Variants in LSAMP observed in about 807,000 individuals in gnomAD.
LSAMP encodes the protein limbic system associated membrane protein.
Under a neutral mutation model 38.6 loss-of-function variants are expected in LSAMP, and 7 were observed. The ratio of observed to expected loss-of-function variants is 0.18; its 90% CI spans 0.10 to 0.34. LSAMP has a LOEUF of 0.34. LSAMP is among the 10% of genes least tolerant of loss of function. LSAMP has a pLI of 1.00. For synonymous variants in LSAMP, 154 were observed against 166.8 expected (o/e 0.92, Z 0.59); for missense variants, 313 against 420.0 (o/e 0.75, Z 2.23).
intron 1 of LSAMP, among the ~76,000 whole-genome samples, chr3:116,201,270 C>T (rs2045983292): frequency 6.6e-6 from 1 of 152,166 alleles, no homozygotes; most frequent in Admixed American, 6.5e-5. Context: ...TGGTAAAGCT[C>T]AGGCAGCATC....
At chr3:115,935,286 G>T (rs377142218) in intron 3 of LSAMP, among the ~76,000 whole-genome samples, 75 of 152,310 alleles carry the variant, frequency 4.9e-4, no homozygotes, top group African/African-American at 1.6e-3. Context: ...TCCTGAGGAT[G>T]ATGAATGAAC....
At chr3:116,274,954 CAAA>C (rs10662824) in intron 1 of LSAMP, among the ~76,000 whole-genome samples, 16 of 136,316 alleles carry the variant, frequency 1.2e-4, no homozygotes, top group South Asian at 2.3e-4. Flanking sequence ...TAAAAATAGC[CAAA>C]AAAAAAAAAA....
At chr3:116,202,408 A>T (rs889072718) in intron 1 of LSAMP, among the ~76,000 whole-genome samples, 2 of 152,062 alleles carry the variant, frequency 1.3e-5, no homozygotes, top group Non-Finnish European at 1.5e-5. Context: ...TGCTGGGATT[A>T]CAAGTGTGAG....
intron 3 of LSAMP, among the ~76,000 whole-genome samples, chr3:115,917,929 T>G (rs1268765121): frequency 6.6e-6 from 1 of 152,244 alleles, no homozygotes; most frequent in Admixed American, 6.5e-5. Context: ...TTACATACTA[T>G]TATTTTCTGA....
At chr3:115,869,084 A>G (rs185277889) in intron 3 of LSAMP, among the ~76,000 whole-genome samples, 1 of 152,270 alleles carries the variant, frequency 6.6e-6, no homozygotes, top group African/African-American at 2.4e-5. Context: ...AGGAAGAGAA[A>G]TCAATGCAAC....
chr3:116,194,628 C>T (rs562604870), intron 1 of LSAMP, among the ~76,000 whole-genome samples: 33 of 152,256 alleles, frequency 2.2e-4, no homozygotes, highest in African/African-American at 7.0e-4. Flanking sequence ...CATCTCTTGA[C>T]GTCGTGATCC....
At chr3:116,002,047 A>C (rs778269359) in intron 3 of LSAMP, among the ~76,000 whole-genome samples, 17 of 152,198 alleles carry the variant, frequency 1.1e-4, no homozygotes, top group Non-Finnish European at 2.1e-4. Flanking sequence ...TTTTGAAACA[A>C]TATCATCTTT....
intron 6 of LSAMP, among the ~76,000 whole-genome samples, chr3:115,819,972 C>T (rs1301040984): frequency 6.6e-6 from 1 of 151,530 alleles, no homozygotes; most frequent in Non-Finnish European, 1.5e-5. Context: ...ACGTGCTGTG[C>T]AGATGAATCA....
intron 3 of LSAMP, among the ~76,000 whole-genome samples, chr3:116,015,221 A>G (rs1940442158): frequency 6.6e-6 from 1 of 152,150 alleles, no homozygotes; most frequent in East Asian, 1.9e-4. Context: ...TGAGTTTTTC[A>G]GTGATAGAAA....
At chr3:116,206,080 C>A (rs551165194) in intron 1 of LSAMP, among the ~76,000 whole-genome samples, 1 of 151,538 alleles carries the variant, frequency 6.6e-6, no homozygotes, top group African/African-American at 2.4e-5. Flanking sequence ...ACAATTTCAG[C>A]TCCTGTTATT....
intron 1 of LSAMP, among the ~76,000 whole-genome samples, chr3:116,131,335 G>A (rs910589335): frequency 5.3e-5 from 8 of 152,054 alleles, no homozygotes; most frequent in South Asian, 2.1e-4. Flanking sequence ...TAGGTTGGCC[G>A]AAAACTTGCT....
intron 3 of LSAMP, among the ~76,000 whole-genome samples, chr3:115,940,487 T>C (rs943914052): frequency 3.9e-5 from 6 of 152,178 alleles, no homozygotes; most frequent in South Asian, 2.1e-4. Context: ...GACACAAAAG[T>C]TCTCCAAGTC....
In LSAMP at chr3:115,809,204, C is replaced by T. The variant is rs1933726846; in HGVS notation, c.*1113G>A. ...CTCTCCTAGGTCACCTCGTCCACGT[C>T]ATAATTCCTTATGCTGTTTGCTTAC... On this transcript the variant is annotated 3_prime_UTR_variant, in exon 7 of 7. Transcript: ENST00000490035. 6.6e-6 allele frequency: 1 copy of T among 152,188 alleles called. No individual in the cohort carries two copies. The highest frequency in any genetic ancestry group is 2.4e-5 in the African/African-American group (1 of 41,432). The allele number at this position is 152,188 out of a possible 1,614,324, so 9.4% of individuals were successfully genotyped here.
At chr3:116,196,362 A>G (rs985783210) in intron 1 of LSAMP, among the ~76,000 whole-genome samples, 2 of 152,182 alleles carry the variant, frequency 1.3e-5, no homozygotes. Context: ...CACAGAACCT[A>G]ATACAGTGTC....
At chr3:116,154,716 T>C (rs1709701207) in intron 1 of LSAMP, among the ~76,000 whole-genome samples, 2 of 152,062 alleles carry the variant, frequency 1.3e-5, no homozygotes, top group South Asian at 4.1e-4. Flanking sequence ...TCCCTACTCA[T>C]TTTGCTTAGT....
At chr3:116,206,495 T>C (rs2046071725) in intron 1 of LSAMP, among the ~76,000 whole-genome samples, 1 of 120,836 alleles carries the variant, frequency 8.3e-6, no homozygotes, top group Non-Finnish European at 1.8e-5. Flanking sequence ...ATTGTGATGT[T>C]AGGGTGTCAA....
At chr3:116,238,520 C>T (rs917061121) in intron 1 of LSAMP, among the ~76,000 whole-genome samples, 1 of 152,322 alleles carries the variant, frequency 6.6e-6, no homozygotes, top group Middle Eastern at 3.4e-3. Flanking sequence ...TTGAGTCCAC[C>T]TGTCTGGAAC....
intron 6 of LSAMP, among the ~76,000 whole-genome samples, chr3:115,816,138 A>G (rs1268271879): frequency 6.6e-6 from 1 of 152,174 alleles, no homozygotes; most frequent in Non-Finnish European, 1.5e-5. Flanking sequence ...GGGGTTAGAC[A>G]CTGTTAGGGA....
intron 1 of LSAMP, among the ~76,000 whole-genome samples, chr3:116,407,270 A>T (rs1639522228): frequency 6.6e-6 from 1 of 152,104 alleles, no homozygotes; most frequent in African/African-American, 2.4e-5. Flanking sequence ...ACCTATGTGA[A>T]GCAGATACAG....
Sources: gnomAD v4.1 joint callset for allele counts (sites outside exome capture counted in the v4.1 genomes callset) on GRCh38, gnomAD v4.1.1 for gene constraint, MANE v1.5 for transcripts, NCBI Gene and HGNC (gene_info 2026-07-23, HGNC 2026-07-21) for gene names.